MYBPC3: variants seen among roughly 807,000 people sequenced by gnomAD.
MYBPC3 encodes myosin-binding protein C, cardiac-type.
A neutral mutation model predicts 159.3 loss-of-function variants in MYBPC3; 108 were observed. The ratio of observed to expected loss-of-function variants is 0.68; its 90% CI spans 0.58 to 0.80. MYBPC3 has a LOEUF of 0.80. Among genes scored for constraint, MYBPC3 ranks in the 30% least tolerant of loss-of-function variants. The pLI, the probability that MYBPC3 is intolerant of heterozygous loss-of-function variation, is 0.00. For synonymous variants in MYBPC3, 730 were observed against 702.0 expected (o/e 1.04, Z -0.63); for missense variants, 1,631 against 1,762.1 (o/e 0.93, Z 1.33).
intron 12 of MYBPC3, 114 bp from the exon 13 acceptor site, chr11:47,343,738 C>T (rs2095891651): frequency 6.9e-6 from 7 of 1,020,558 alleles, no homozygotes; most frequent in South Asian, 3.7e-5. Flanking sequence ...CCCTCTGTGC[C>T]GCCCCGCTTC....
In MYBPC3 at chr11:47,331,693, C is replaced by T. The variant is rs1595839573; in HGVS notation, c.*50G>A. Reference sequence around the variant, plus strand: ...CCCCAACTTCCCTCCAGGCTCCTGGCACGGGGCTGGCATCCGGTTGTACCT... The same window carrying T: ...CCCCAACTTCCCTCCAGGCTCCTGGTACGGGGCTGGCATCCGGTTGTACCT... On this transcript the variant is annotated 3_prime_UTR_variant, in exon 35 of 35. Transcript: ENST00000545968. The T allele has an allele frequency of 3.8e-6, 3 of 795,960 alleles. No individual in the cohort carries two copies. The South Asian group carries it at 5.7e-5, about 15-fold the overall frequency. 49.3% of individuals were successfully genotyped at this position (795,960 alleles called of 1,614,324 possible). A position where few individuals can be genotyped will look rare whatever the true frequency, so the allele number is the denominator to read the frequency against.
intron 1 of MYBPC3, among the ~76,000 whole-genome samples, chr11:47,352,092 G>A (rs1397549480): frequency 6.6e-6 from 1 of 152,078 alleles, no homozygotes; most frequent in Non-Finnish European, 1.5e-5. Flanking sequence ...TCAGAGAAGA[G>A]GGGCTGTGTC....
Position 47,332,913 on chromosome 11 carries a change from T to A in MYBPC3, c.3391A>T (p.Ile1131Phe). 1 of 1,610,020 alleles carries A rather than the reference T, an allele frequency of 6.2e-7. No individual in the cohort carries two copies. Among genetic ancestry groups the A allele is most frequent in the South Asian group, 1.1e-5 (1 of 90,050 alleles). ...RTHCVVPELI[I>F]GNGYYFRVFS... Reference sequence around the variant, plus strand: ...ACGCGGAAGTAGTAGCCATTGCCAATGATGAGCTCTGGCACCACGCAGTGG... The same window carrying A: ...ACGCGGAAGTAGTAGCCATTGCCAAAGATGAGCTCTGGCACCACGCAGTGG... Residue 1131 changes from isoleucine (I) to phenylalanine (F), a missense_variant, in exon 31 of 35, where the codon ATT (isoleucine) becomes TTT (phenylalanine). By Grantham distance (21) the Ile-to-Phe change is conservative (BLOSUM62 0). Coordinates refer to ENST00000545968, the MANE Select transcript of MYBPC3 (RefSeq NM_000256.3). The surrounding 1 kb of genome is among the most constrained non-coding windows in gnomAD (Gnocchi z 4.2).
Position 47,338,674 on chromosome 11 carries a change from C to T in MYBPC3, c.2154G>A (p.Leu718=), listed in dbSNP as rs781477048. 16 of 1,610,832 alleles carry T rather than the reference C, an allele frequency of 9.9e-6. 1 individual carries two copies. The South Asian group carries it at 1.8e-4, about 18-fold the overall frequency. The change falls in exon 23 of 35, where the codon CTG becomes CTA. Residue 718 remains leucine, a synonymous_variant. Transcript: ENST00000545968. This position sits in a 1 kb window ranked among gnomAD's most constrained non-coding sequence, Gnocchi z 4.7. ...CGCGGACCCGGCCCTCGGTCTCACACAGCAGCTGGGGGGGTGCAGAGTTGG... is the reference window on the plus strand; with the variant it reads ...CGCGGACCCGGCCCTCGGTCTCACATAGCAGCTGGGGGGGTGCAGAGTTGG... ...SDEWVFDKKL[L]CETEGRVRVE... is the part of the protein sequence containing the mutation.
intron 7 of MYBPC3, 26 bp downstream of exon 7, chr11:47,347,831 C>A (rs2095895920): frequency 6.4e-7 from 1 of 1,557,726 alleles, no homozygotes; most frequent in East Asian, 2.4e-5. Flanking sequence ...ACTGGCCTCC[C>A]CCAGGCCCTG....
chr11:47,333,324 C>T lies in MYBPC3; in HGVS notation c.3200G>A (p.Ser1067Asn), dbSNP rs1183349793. 2 of 1,576,750 alleles carry T rather than the reference C, an allele frequency of 1.3e-6. No homozygotes were observed. The highest frequency in any genetic ancestry group is 1.7e-6 in the Non-Finnish European group (2 of 1,159,410). ...AGTCACCCGGAGATCCTGGGGAGGA[C>T]TTGGCTTGTCTGCGGGAGACAGACC... ...TLVLQVVDKP[S>N]PPQDLRVTDA... Residue 1067 changes from serine to asparagine, a missense_variant, in exon 30 of 35, where the codon AGT (serine) becomes AAT (asparagine). Ser to Asn is a conservative substitution (Grantham distance 46). Transcript: ENST00000545968.
In MYBPC3 at chr11:47,332,804, G is replaced by A. The variant is rs762642878; in HGVS notation, c.3490+10C>T. 6 of 1,601,848 alleles carry A rather than the reference G, an allele frequency of 3.7e-6. No individual in the cohort carries two copies. The South Asian group carries it at 4.5e-5, about 12-fold the overall frequency. Reference sequence around the variant, plus strand: ...CCCAGCCCCTGGTTGGAAGAATGAGGGTACAGCACCTGGTCTGGGGATAAA... The same window carrying A: ...CCCAGCCCCTGGTTGGAAGAATGAGAGTACAGCACCTGGTCTGGGGATAAA... On this transcript the variant is annotated intron_variant, in intron 31 of 34. Transcript: ENST00000545968. This position sits in a 1 kb window ranked among gnomAD's most constrained non-coding sequence, Gnocchi z 4.2.
chr11:47,351,619 A>C lies in MYBPC3; in HGVS notation c.26-114T>G, dbSNP rs1365947259. 1 of 1,181,560 alleles carries C rather than the reference A, an allele frequency of 8.5e-7. No homozygotes were observed. The highest frequency in any genetic ancestry group is 1.1e-6 in the Non-Finnish European group (1 of 876,870). 73.2% of individuals were successfully genotyped at this position (1,181,560 alleles called of 1,614,324 possible). On this transcript the variant is annotated intron_variant, in intron 1 of 34. Coordinates refer to ENST00000545968, the MANE Select transcript of MYBPC3 (RefSeq NM_000256.3). This position sits in a 1 kb window ranked among gnomAD's most constrained non-coding sequence, Gnocchi z 4.2. ...CTTTCTATGCATCCCCTCACGTAATACTCTACCAGTTCTCTGAGGTAGTTG... is the reference window on the plus strand; with the variant it reads ...CTTTCTATGCATCCCCTCACGTAATCCTCTACCAGTTCTCTGAGGTAGTTG...
Position 47,346,544 on chromosome 11 carries a change from G to A in MYBPC3, c.926+83C>T, listed in dbSNP as rs2095894345. 7 of 1,503,224 alleles carry A rather than the reference G, an allele frequency of 4.7e-6. No individual in the cohort carries two copies. In the East Asian group the frequency reaches 1.1e-4, roughly 25 times the overall value. 93.1% of individuals were successfully genotyped at this position (1,503,224 alleles called of 1,614,324 possible). On this transcript the variant is annotated intron_variant, in intron 11 of 34. Transcript: ENST00000545968. This position sits in a 1 kb window ranked among gnomAD's most constrained non-coding sequence, Gnocchi z 5.3. Reference sequence around the variant, plus strand: ...GGCCAGGCAGGACTGGGGGCCAAGGGAGCTGAAGAGGGGCTGGGGATCTGG... The same window carrying A: ...GGCCAGGCAGGACTGGGGGCCAAGGAAGCTGAAGAGGGGCTGGGGATCTGG...
chr11:47,351,152 C>T lies in MYBPC3; in HGVS notation c.292+87G>A. The T allele has an allele frequency of 7.1e-7, 1 of 1,416,534 alleles. No homozygotes were observed. Among genetic ancestry groups the T allele is most frequent in the Non-Finnish European group, 9.3e-7 (1 of 1,075,266 alleles). 87.7% of individuals were successfully genotyped at this position (1,416,534 alleles called of 1,614,324 possible). On this transcript the variant is annotated intron_variant, in intron 2 of 34. Transcript: ENST00000545968. This position sits in a 1 kb window ranked among gnomAD's most constrained non-coding sequence, Gnocchi z 4.2. ...GCAAAGGCAAGAAAGTGTGAAAGCACCTCCTGTTCCCTGGATGGATGGAGA... is the reference window on the plus strand; with the variant it reads ...GCAAAGGCAAGAAAGTGTGAAAGCATCTCCTGTTCCCTGGATGGATGGAGA...
intron 12 of MYBPC3, among the ~76,000 whole-genome samples, chr11:47,345,106 T>G (rs111395648): frequency 0.013 from 2,013 of 152,334 alleles, 53 homozygotes; most frequent in African/African-American, 0.046. Context: ...TTGCTCTTTT[T>G]ACTGTTGTTG....
chr11:47,333,453 G>A, intron 29 of MYBPC3, 104 bp downstream of exon 29: 4 of 1,529,692 alleles, frequency 2.6e-6, no homozygotes, highest in Non-Finnish European at 3.5e-6. Context: ...CAGTGGACTG[G>A]AAAATGTGAG....
rs397516078 is a variant in MYBPC3 at position 47,347,485 on chromosome 11, G to A, written c.852-6C>T. ...CAGTGTCCTCATGGCTATCACTATGGAGAGGGACCCCCAGTGAGGCTGCAG... is the reference window on the plus strand; with the variant it reads ...CAGTGTCCTCATGGCTATCACTATGAAGAGGGACCCCCAGTGAGGCTGCAG... On this transcript the variant is annotated splice_polypyrimidine_tract_variant and splice_region_variant and intron_variant, in intron 8 of 34. Coordinates refer to ENST00000545968, the MANE Select transcript of MYBPC3 (RefSeq NM_000256.3). The A allele has an allele frequency of 2.5e-6, 4 of 1,596,136 alleles. No individual in the cohort carries two copies. Among genetic ancestry groups the A allele is most frequent in the African/African-American group, 2.7e-5 (2 of 74,602 alleles).
chr11:47,349,945 C>T, intron 4 of MYBPC3, 23 bp from the exon 5 acceptor site: 1 of 1,580,040 alleles, frequency 6.3e-7, no homozygotes, highest in East Asian at 2.3e-5. Context: ...GGGCGACAGG[C>T]CCGGCTTGGG....
intron 18 of MYBPC3, 96 bp from the exon 19 acceptor site, chr11:47,341,340 T>A: frequency 2.3e-6 from 2 of 880,846 alleles, no homozygotes; most frequent in Non-Finnish European, 3.4e-6. Context: ...CCTCACCTTG[T>A]CCTGGCTTGT....
rs1401258502 is a variant in MYBPC3 at position 47,343,539 on chromosome 11, A to C, written c.1176T>G (p.Ala392=). The C allele has an allele frequency of 6.2e-7, 1 of 1,608,002 alleles. No homozygotes were observed. The highest frequency in any genetic ancestry group is 8.5e-7 in the Non-Finnish European group (1 of 1,178,458). Residue 392 remains alanine (A), a synonymous_variant, in exon 13 of 35, where the codon GCT becomes GCG. Coordinates refer to ENST00000545968, the MANE Select transcript of MYBPC3 (RefSeq NM_000256.3). ...RLTVELADHD[A]EVKWLKNGQE... is the part of the protein sequence containing the mutation. The stretch of plus-strand genomic sequence containing the variant: ...GGCCATTCTTGAGCCATTTGACCTC[A>C]GCGTCATGGTCAGCCAGTTCCACGG...
intron 9 of MYBPC3, 83 bp from the exon 10 acceptor site, chr11:47,347,112 C>T (rs1227333348): frequency 3.5e-5 from 42 of 1,208,954 alleles, no homozygotes; most frequent in East Asian, 1.4e-4. Flanking sequence ...TCAGTTGGGC[C>T]GACCTGGTAG....
Position 47,331,854 on chromosome 11 carries a change from C to G in MYBPC3, c.*17G>C. The G allele has an allele frequency of 1.2e-6, 2 of 1,608,018 alleles. No individual in the cohort carries two copies. The highest frequency in any genetic ancestry group is 1.7e-6 in the Non-Finnish European group (2 of 1,177,588). On this transcript the variant is annotated 3_prime_UTR_variant, in exon 34 of 35. Coordinates refer to ENST00000545968, the MANE Select transcript of MYBPC3 (RefSeq NM_000256.3). ...GTCGGGTGGTACATACCTGGCCATCCCCAGGAGCCAGCCTGGTCACTGAGG... is the reference window on the plus strand; with the variant it reads ...GTCGGGTGGTACATACCTGGCCATCGCCAGGAGCCAGCCTGGTCACTGAGG...
Position 47,336,102 on chromosome 11 carries a change from T to C in MYBPC3, c.2603-91A>G, listed in dbSNP as rs1238878461. ...GACTCTGAACTGCCCACTGGTCACA[T>C]AGGGGGCACTTCCTGTTCAGCTGGC... On this transcript the variant is annotated intron_variant, in intron 25 of 34. Coordinates refer to ENST00000545968, the MANE Select transcript of MYBPC3 (RefSeq NM_000256.3). The C allele has an allele frequency of 2.9e-5, 35 of 1,221,044 alleles. No individual in the cohort carries two copies. In the East Asian group the frequency reaches 8.3e-4, roughly 29 times the overall value. The allele number at this position is 1,221,044 out of a possible 1,614,324, so 75.6% of individuals were successfully genotyped here. A position where few individuals can be genotyped will look rare whatever the true frequency, so the allele number is the denominator to read the frequency against.
Sources: allele counts gnomAD v4.1 joint callset (sites outside exome capture counted in the v4.1 genomes callset), GRCh38; gene constraint gnomAD v4.1.1; non-coding constraint Gnocchi (gnomAD v3.1); transcripts MANE v1.5; gene names NCBI Gene and HGNC (gene_info 2026-07-23, HGNC 2026-07-21).